Variants in SYT6 observed in about 807,000 individuals in gnomAD.
SYT6 encodes the protein synaptotagmin-6.
Under a neutral mutation model 38.4 loss-of-function variants are expected in SYT6, and 24 were observed. The ratio of observed to expected loss-of-function variants is 0.62; its 90% confidence interval spans 0.45 to 0.88. The LOEUF is 0.88. Ranked by LOEUF, SYT6 falls within the 40% of genes least tolerant of loss-of-function variation. The pLI, the probability that SYT6 is intolerant of heterozygous loss-of-function variation, is 0.00. For missense variants in SYT6, 611 were observed against 621.0 expected (o/e 0.98, Z 0.17); for synonymous variants, 265 against 241.9 (o/e 1.10, Z -0.89).
At chr1:114,125,884 C>T (rs1677698544) in intron 3 of SYT6, among the ~76,000 whole-genome samples, 1 of 152,086 alleles carries the variant, frequency 6.6e-6, no homozygotes, top group African/African-American at 2.4e-5. Flanking sequence ...TTAGATCTTC[C>T]TTGCATGGAA....
At chr1:114,147,756 T>G (rs1458020346) in intron 1 of SYT6, among the ~76,000 whole-genome samples, 1 of 152,274 alleles carries the variant, frequency 6.6e-6, no homozygotes, top group Non-Finnish European at 1.5e-5. Context: ...CTCTTTTATT[T>G]AGTCAGGATT....
At chr1:114,153,003 C>T (rs1679526749) in intron 1 of SYT6, 1 of 151,640 alleles carries the variant, frequency 6.6e-6, no homozygotes, top group African/African-American at 2.4e-5. Flanking sequence ...TCATACCCTC[C>T]CCCACCCCGC....
intron 3 of SYT6, among the ~76,000 whole-genome samples, chr1:114,115,878 C>T (rs1035226939): frequency 3.9e-5 from 6 of 152,248 alleles, no homozygotes; most frequent in African/African-American, 1.4e-4. Context: ...AGGTGTTGCT[C>T]TTCTCCTCCA....
intron 3 of SYT6, among the ~76,000 whole-genome samples, chr1:114,118,192 C>A (rs915140062): frequency 3.3e-5 from 5 of 152,180 alleles, no homozygotes; most frequent in Non-Finnish European, 7.3e-5. Flanking sequence ...AGGCCCCAGG[C>A]CTCCCTTCCC....
intron 3 of SYT6, among the ~76,000 whole-genome samples, chr1:114,126,084 T>C (rs1185625921): frequency 6.7e-6 from 1 of 149,792 alleles, no homozygotes; most frequent in Non-Finnish European, 1.5e-5. Context: ...GAATTTCCTA[T>C]AAAAACCCAG....
intron 3 of SYT6, among the ~76,000 whole-genome samples, chr1:114,127,755 T>C (rs1027872034): frequency 2.0e-5 from 3 of 152,196 alleles, no homozygotes; most frequent in African/African-American, 7.2e-5. Flanking sequence ...CATCTCTGCA[T>C]TGGCAGGAGT....
chr1:114,129,837 T>TG (rs58702459), intron 3 of SYT6, among the ~76,000 whole-genome samples: 33,740 of 105,946 alleles, frequency 0.32, 5,300 homozygotes, highest in African/African-American at 0.46. Flanking sequence ...CCACCACACC[T>TG]GTTTTTTTTT....
chr1:114,150,576 A>G (rs984572873), intron 1 of SYT6, among the ~76,000 whole-genome samples: 1 of 152,282 alleles, frequency 6.6e-6, no homozygotes, highest in Non-Finnish European at 1.5e-5. Flanking sequence ...AGGTTTCTGC[A>G]TTTGCTGGAG....
At chr1:114,119,610 G>T (rs1354737242) in intron 3 of SYT6, among the ~76,000 whole-genome samples, 1 of 152,186 alleles carries the variant, frequency 6.6e-6, no homozygotes, top group Non-Finnish European at 1.5e-5. Context: ...GGGGAGATAT[G>T]GCTTGAACCC....
intron 3 of SYT6, among the ~76,000 whole-genome samples, chr1:114,123,047 C>T (rs566751319): frequency 6.4e-4 from 97 of 152,346 alleles, no homozygotes; most frequent in African/African-American, 2.2e-3. Context: ...CTCCTTCCTG[C>T]CTTTTTGCTT....
chr1:114,127,684 G>A (rs1440338273), intron 3 of SYT6, among the ~76,000 whole-genome samples: 1 of 152,216 alleles, frequency 6.6e-6, no homozygotes, highest in Non-Finnish European at 1.5e-5. Context: ...CTTCCAGGGA[G>A]GCAACCAAGC....
intron 3 of SYT6, among the ~76,000 whole-genome samples, chr1:114,136,714 T>C (rs1040135742): frequency 6.6e-6 from 1 of 152,092 alleles, no homozygotes; most frequent in Non-Finnish European, 1.5e-5. Flanking sequence ...AGGTCTCCTT[T>C]TGGGCTGGCC....
At chr1:114,140,210 C>T (rs1237530884) in intron 1 of SYT6, among the ~76,000 whole-genome samples, 1 of 152,060 alleles carries the variant, frequency 6.6e-6, no homozygotes, top group African/African-American at 2.4e-5. Context: ...TCCTCTCTCC[C>T]GCCCCCACCC....
intron 5 of SYT6, 126 bp downstream of exon 5, chr1:114,098,968 G>T (rs1675807375): frequency 2.0e-5 from 19 of 933,438 alleles, no homozygotes; most frequent in Non-Finnish European, 3.0e-5. Context: ...CTTGGGTACA[G>T]ATAGATTTGA....
chr1:114,095,306 A>T (rs1175010404), intron 6 of SYT6, among the ~76,000 whole-genome samples: 1 of 152,236 alleles, frequency 6.6e-6, no homozygotes, highest in African/African-American at 2.4e-5. Flanking sequence ...CCAGTGAGTT[A>T]GAGTTCTCAA....
chr1:114,138,919 G>A (rs1470623617), intron 2 of SYT6, among the ~76,000 whole-genome samples: 3 of 152,320 alleles, frequency 2.0e-5, no homozygotes, highest in Admixed American at 1.3e-4. Flanking sequence ...ACCAGGCCTC[G>A]TTCTCTTTTG....
At chr1:114,136,726 C>T (rs570762499) in intron 3 of SYT6, among the ~76,000 whole-genome samples, 1 of 152,300 alleles carries the variant, frequency 6.6e-6, no homozygotes, top group African/African-American at 2.4e-5. Context: ...GGGCTGGCCT[C>T]CCCCATCTCC....
intron 4 of SYT6, among the ~76,000 whole-genome samples, chr1:114,101,005 G>A (rs140838076): frequency 8.5e-5 from 13 of 152,204 alleles, no homozygotes; most frequent in African/African-American, 2.6e-4. Flanking sequence ...ATGGGCCACT[G>A]AGCAAATGTC....
At chr1:114,110,789 C>T (rs1243093591) in intron 3 of SYT6, among the ~76,000 whole-genome samples, 1 of 152,192 alleles carries the variant, frequency 6.6e-6, no homozygotes. Flanking sequence ...CTCCCATCCT[C>T]GCTGCACTAC....
Sources: gnomAD v4.1 joint callset for allele counts (sites outside exome capture counted in the v4.1 genomes callset) on GRCh38, gnomAD v4.1.1 for gene constraint, MANE v1.5 for transcripts, NCBI Gene and HGNC (gene_info 2026-07-23, HGNC 2026-07-21) for gene names.